Variants in SRFBP1 observed in about 807,000 individuals in gnomAD.
SRFBP1 encodes serum response factor binding protein 1, also known as serum response factor-binding protein 1.
Under a neutral mutation model 45.5 loss-of-function variants are expected in SRFBP1, and 47 were observed. The ratio of observed to expected loss-of-function variants is 1.03; its 90% CI spans 0.82 to 1.32. SRFBP1 has a LOEUF of 1.32. Ranked by LOEUF, SRFBP1 falls within the 40% of genes most tolerant of loss-of-function variation. The pLI is 0.00. For synonymous variants in SRFBP1, 203 were observed against 166.3 expected, an observed-to-expected ratio of 1.22 and a Z score of -1.70; for missense variants, 621 against 484.6, an observed-to-expected ratio of 1.28 and a Z score of -2.64.
chr5:122,061,332 A>G lies in SRFBP1; in HGVS notation n.312-13983A>G, dbSNP rs576755687. On this transcript the variant is annotated intron_variant and non_coding_transcript_variant, in intron 2 of 2. Transcript: ENST00000504881. Reference sequence around the variant, plus strand: ...GGTATGTAAATTGAGAACTGGCAATATTGTTTCTAACAGTGACACAGGCAT... The same window carrying G: ...GGTATGTAAATTGAGAACTGGCAATGTTGTTTCTAACAGTGACACAGGCAT... Among the ~76,000 whole-genome samples the G allele has an allele frequency of 6.6e-5, 10 of 151,880 alleles. No individual in the cohort carries two copies. The South Asian group carries it at 2.1e-3, about 32-fold the overall frequency.
rs76785898 is a variant in SRFBP1, at chr5:122,018,161, A to C, written c.271-1099A>C. 8.4e-3 allele frequency among the ~76,000 whole-genome samples: 1,284 copies of C among 152,318 alleles called. 8 individuals are homozygous for C. The highest frequency in any genetic ancestry group is 0.027 in the South Asian group (128 of 4,826). On this transcript the variant is annotated intron_variant, in intron 4 of 7. Transcript: ENST00000339397. ...AGAAGAGATTGCAATGGTATGGGCTAAGCATCAGAAAGCAATAAAGCTTAA... is the reference window on the plus strand; with the variant it reads ...AGAAGAGATTGCAATGGTATGGGCTCAGCATCAGAAAGCAATAAAGCTTAA...
chr5:122,011,349 A>G (rs1352479051), intron 4 of SRFBP1, among the ~76,000 whole-genome samples: 1 of 152,138 alleles, frequency 6.6e-6, no homozygotes, highest in South Asian at 2.1e-4. Flanking sequence ...CTGGAGGTAC[A>G]TGAAAACCAC....
At position 122,057,991 on chromosome 5, in the gene SRFBP1, A is replaced by T. The variant is rs77284362; in HGVS notation, n.312-17324A>T. Among the ~76,000 whole-genome samples the T allele has an allele frequency of 5.7e-3, 867 of 152,296 alleles. 10 individuals carry two copies. The highest frequency in any genetic ancestry group is 0.02 in the African/African-American group (820 of 41,562). On this transcript the variant is annotated intron_variant and non_coding_transcript_variant, in intron 2 of 2. Coordinates refer to the SRFBP1 transcript ENST00000504881. ...CACCATGTCTGCTGGCCTTGATTAT[A>T]TTCTTAAGAGAAGTTCCTCAAAGTG...
Position 122,045,022 on chromosome 5 carries a change from A to G in SRFBP1, n.311+22615A>G, listed in dbSNP as rs574751457. Among the ~76,000 whole-genome samples, 280 of 152,102 alleles carry G rather than the reference A, an allele frequency of 1.8e-3. 2 individuals are homozygous for G. Among genetic ancestry groups the G allele is most frequent in the Non-Finnish European group, 7.6e-4 (52 of 67,976 alleles). The stretch of plus-strand genomic sequence containing the variant: ...ACATTTAAGTCTTTAATCCATCTTG[A>G]GTTAATTTTTGTATCTGGTGTAAGG... On this transcript the variant is annotated intron_variant and non_coding_transcript_variant, in intron 2 of 2. Transcript: ENST00000504881.
chr5:121,971,468 T>C (rs1752195881), intron 1 of SRFBP1, among the ~76,000 whole-genome samples: 1 of 151,870 alleles, frequency 6.6e-6, no homozygotes, highest in African/African-American at 2.4e-5. Flanking sequence ...AGGGAAGGGT[T>C]TTATTGGAGG....
At chr5:121,974,703 T>G (rs1752266565) in intron 2 of SRFBP1, among the ~76,000 whole-genome samples, 1 of 151,912 alleles carries the variant, frequency 6.6e-6, no homozygotes, top group South Asian at 2.1e-4. Flanking sequence ...CTTCAGTACC[T>G]TATGAAAGTG....
Position 122,027,412 on chromosome 5 carries a change from AT to A in SRFBP1, c.*295del, listed in dbSNP as rs11392277. 6.3e-4 allele frequency: 119 copies of A among 189,740 alleles called. No individual in the cohort carries two copies. Among genetic ancestry groups the A allele is most frequent in the East Asian group, 1.3e-3 (11 of 8,496 alleles). 11.8% of individuals were successfully genotyped at this position (189,740 alleles called of 1,614,324 possible). On this transcript the variant is annotated 3_prime_UTR_variant, in exon 8 of 8. Coordinates refer to ENST00000339397, the MANE Select transcript of SRFBP1 (RefSeq NM_152546.3). Reference sequence around the variant, plus strand: ...AGAATTATAGAATGTTTGTTTTTGTATTTTTTTTTAAAGTAAATTCAACTTA... The same window carrying A: ...AGAATTATAGAATGTTTGTTTTTGTATTTTTTTTAAAGTAAATTCAACTTA...
intron 4 of SRFBP1, among the ~76,000 whole-genome samples, chr5:122,000,573 A>C (rs1752841874): frequency 6.6e-6 from 1 of 152,024 alleles, no homozygotes; most frequent in Admixed American, 6.6e-5. Context: ...TTCTGTGTTG[A>C]TAGCTCTTGT....
At chr5:121,991,986 G>A (rs917773197) in intron 3 of SRFBP1, among the ~76,000 whole-genome samples, 8 of 152,084 alleles carry the variant, frequency 5.3e-5, no homozygotes, top group East Asian at 3.8e-4. Context: ...TTTATGGCAC[G>A]TAGTGTTTGT....
intron 2 of SRFBP1, among the ~76,000 whole-genome samples, chr5:122,072,266 T>C (rs918224469): frequency 1.3e-5 from 2 of 152,156 alleles, no homozygotes; most frequent in Non-Finnish European, 2.9e-5. Flanking sequence ...AACTTAAGTA[T>C]AAGCTTTGAT....
intron 2 of SRFBP1, chr5:122,065,833 G>C (rs949346903): frequency 5.9e-5 from 9 of 151,996 alleles, no homozygotes; most frequent in African/African-American, 1.4e-4. Context: ...CAAGAAAATT[G>C]TATCTTTGGC....
At chr5:121,995,884 C>G (rs1253858389) in intron 4 of SRFBP1, among the ~76,000 whole-genome samples, 1 of 152,060 alleles carries the variant, frequency 6.6e-6, no homozygotes, top group East Asian at 1.9e-4. Context: ...ACTACAAACA[C>G]CTCTACGCAA....
chr5:121,970,241 CATT>C (rs1359265921), intron 1 of SRFBP1, among the ~76,000 whole-genome samples: 4 of 152,052 alleles, frequency 2.6e-5, no homozygotes, highest in African/African-American at 9.7e-5. Context: ...TTCCCTTATC[CATT>C]CATGGCAAAC....
At chr5:122,041,183 T>G (rs868395620) in intron 2 of SRFBP1, among the ~76,000 whole-genome samples, 5 of 152,040 alleles carry the variant, frequency 3.3e-5, no homozygotes, top group Middle Eastern at 3.2e-3. Context: ...TGGGCTTGAG[T>G]AGTAGCAGTG....
At chr5:122,025,118 C>T (rs1046906192) in intron 7 of SRFBP1, among the ~76,000 whole-genome samples, 2 of 152,092 alleles carry the variant, frequency 1.3e-5, no homozygotes, top group Admixed American at 1.3e-4. Flanking sequence ...CCACTCCCCC[C>T]ACCCCACAAC....
chr5:122,051,932 A>T (rs1369548618), intron 2 of SRFBP1, among the ~76,000 whole-genome samples: 2 of 152,134 alleles, frequency 1.3e-5, no homozygotes, highest in African/African-American at 4.8e-5. Flanking sequence ...AGCTCTTGTA[A>T]GGCAGGTCTG....
At chr5:122,054,810 T>G (rs1754050908) in intron 2 of SRFBP1, among the ~76,000 whole-genome samples, 1 of 152,242 alleles carries the variant, frequency 6.6e-6, no homozygotes, top group Non-Finnish European at 1.5e-5. Flanking sequence ...AATTGCATAT[T>G]TTGACCCCAG....
At chr5:121,991,883 G>A (rs112357982) in intron 3 of SRFBP1, among the ~76,000 whole-genome samples, 1,917 of 152,074 alleles carry the variant, frequency 0.013, 41 homozygotes, top group African/African-American at 0.044. Flanking sequence ...CCAAAATACC[G>A]AAGTATAAAT....
chr5:121,998,864 C>G (rs1752793768), intron 4 of SRFBP1, among the ~76,000 whole-genome samples: 1 of 152,174 alleles, frequency 6.6e-6, no homozygotes, highest in African/African-American at 2.4e-5. Flanking sequence ...TTTTCTACAT[C>G]TTCCACTCTT....
Sources: gnomAD v4.1 joint callset for allele counts (sites outside exome capture counted in the v4.1 genomes callset) on GRCh38, gnomAD v4.1.1 for gene constraint, MANE v1.5 for transcripts, NCBI Gene and HGNC (gene_info 2026-07-23, HGNC 2026-07-21) for gene names.